Variants in ALLC observed in about 807,000 individuals in gnomAD.
ALLC encodes probable inactive allantoicase.
A neutral mutation model predicts 45.0 loss-of-function variants in ALLC; 40 were observed. The ratio of observed to expected loss-of-function variants is 0.89; its 90% CI spans 0.69 to 1.16. The LOEUF is 1.16. ALLC is among the 50% of genes most tolerant of loss of function. ALLC has a pLI of 0.00. For synonymous variants in ALLC, 176 were observed against 178.1 expected (o/e 0.99, Z 0.09); for missense variants, 488 against 493.1 (o/e 0.99, Z 0.10).
At chr2:3,699,598 A>C (rs1294857168) in intron 10 of ALLC, among the ~76,000 whole-genome samples, 1 of 152,222 alleles carries the variant, frequency 6.6e-6, no homozygotes, top group African/African-American at 2.4e-5. Context: ...ACAATGGCTG[A>C]ACTAATTTAC....
chr2:3,649,507 C>T, the ALLC span, among the ~76,000 whole-genome samples: 5,040 of 152,334 alleles, frequency 0.033, 289 homozygotes, highest in African/African-American at 0.12. Flanking sequence ...TCCCAAAGTG[C>T]TGGGATTACA....
At chr2:3,661,299 T>G (rs1666570969) in intron 1 of ALLC, among the ~76,000 whole-genome samples, 1 of 152,156 alleles carries the variant, frequency 6.6e-6, no homozygotes, top group Non-Finnish European at 1.5e-5. Context: ...ACACATGTTT[T>G]GAAAACCATG....
At chr2:3,661,271 G>A (rs1666570116) in intron 1 of ALLC, among the ~76,000 whole-genome samples, 1 of 149,790 alleles carries the variant, frequency 6.7e-6, no homozygotes, top group Admixed American at 6.6e-5. Flanking sequence ...CCTTCCTTCT[G>A]CTCCTGGCTC....
At chr2:3,700,665 C>A (rs1409814498) in intron 10 of ALLC, among the ~76,000 whole-genome samples, 2 of 152,156 alleles carry the variant, frequency 1.3e-5, no homozygotes, top group Non-Finnish European at 2.9e-5. Flanking sequence ...ATACACAAAG[C>A]TTAATATACA....
rs139496885 is a variant in ALLC at position 3,669,247 on chromosome 2, G to T, written c.-62-1849G>T. Reference sequence around the variant, plus strand: ...CCAGCACTTTGGGAGGCCGAGGTGGGTGGATCACGAAGTCAGGAGATGGAG... The same window carrying T: ...CCAGCACTTTGGGAGGCCGAGGTGGTTGGATCACGAAGTCAGGAGATGGAG... On this transcript the variant is annotated intron_variant, in intron 1 of 11. Transcript: ENST00000252505. Among the ~76,000 whole-genome samples the T allele has an allele frequency of 5.6e-3, 848 of 152,254 alleles. 13 individuals carry two copies. The highest frequency in any genetic ancestry group is 0.019 in the African/African-American group (802 of 41,544).
chr2:3,691,404 C>G (rs1667514209), intron 7 of ALLC, among the ~76,000 whole-genome samples: 2 of 152,056 alleles, frequency 1.3e-5, no homozygotes. Context: ...CTGGTGCACA[C>G]CACCATGCCT....
At chr2:3,647,426 A>G in the ALLC span, among the ~76,000 whole-genome samples, 1 of 152,062 alleles carries the variant, frequency 6.6e-6, no homozygotes, top group East Asian at 1.9e-4. Flanking sequence ...CATGCTGCCC[A>G]TGGGGCCTGC....
In ALLC at chr2:3,675,274, C is replaced by A. The variant is rs191122313; in HGVS notation, c.84+1149C>A. ...GCATGGCTATGTGTACCTGTAGTCC[C>A]CGCTACTCAGAAGGCTGAGCTGGGA... On this transcript the variant is annotated intron_variant, in intron 3 of 11. Coordinates refer to ENST00000252505, the MANE Select transcript of ALLC (RefSeq NM_018436.4). Among the ~76,000 whole-genome samples the A allele has an allele frequency of 1.1e-4, 16 of 152,000 alleles. No individual in the cohort carries two copies. In the East Asian group the frequency reaches 2.3e-3, roughly 22 times the overall value.
intron 5 of ALLC, among the ~76,000 whole-genome samples, chr2:3,681,075 A>G (rs1185140011): frequency 2.0e-5 from 3 of 152,228 alleles, no homozygotes; most frequent in African/African-American, 4.8e-5. Context: ...TGAACATGCT[A>G]TGTGCACAGC....
At chr2:3,651,179 C>T in the ALLC span, among the ~76,000 whole-genome samples, 3 of 151,914 alleles carry the variant, frequency 2.0e-5, no homozygotes, top group Non-Finnish European at 4.4e-5. Flanking sequence ...GGATCCGTGG[C>T]TCCATACTGC....
At chr2:3,651,280 CTTGCGGGAATTCT>C in the ALLC span, among the ~76,000 whole-genome samples, 1,719 of 95,828 alleles carry the variant, frequency 0.018, 465 homozygotes, top group African/African-American at 0.064. Flanking sequence ...GCCGCCGATG[CTTGCGGGAATTCT>C]TTTTGGGTGG....
At chr2:3,654,266 AT>A (rs1348765705), upstream of ALLC, among the ~76,000 whole-genome samples, 3 of 152,218 alleles carry the variant, frequency 2.0e-5, no homozygotes, top group Admixed American at 2.0e-4. Context: ...GCAAAGTCAC[AT>A]TGTAAAGAGG....
the ALLC span, among the ~76,000 whole-genome samples, chr2:3,651,424 TGTGTGTGTGTGTGTGTGTTAGG>T: frequency 7.9e-3 from 454 of 57,322 alleles, 7 homozygotes; most frequent in Middle Eastern, 0.016. Context: ...TGTGTGTGTG[TGTGTGTGTGTGTGTGTGTTAGG>T]AAGGGAGACG....
chr2:3,693,091 C>T (rs1182205975), intron 7 of ALLC, among the ~76,000 whole-genome samples: 5 of 152,148 alleles, frequency 3.3e-5, no homozygotes, highest in African/African-American at 7.2e-5. Flanking sequence ...GTTCAAATAC[C>T]GCAGACTCTC....
rs946345614 is a variant in ALLC, at chr2:3,682,986, T to C, written c.423T>C (p.Leu141=). Residue 141 remains leucine (L), a synonymous_variant, in exon 7 of 12, where the codon CTT becomes CTC. Transcript: ENST00000252505. ...GTTACTTGGTTCCCATGACTGAGCTTAAGCCAGGAAACCCTGCTTCCGGCC... is the reference window on the plus strand; with the variant it reads ...GTTACTTGGTTCCCATGACTGAGCTCAAGCCAGGAAACCCTGCTTCCGGCC... ...DWSYLVPMTE[L]KPGNPASGHN... The C allele has an allele frequency of 1.9e-6, 3 of 1,613,884 alleles. No individual in the cohort carries two copies. Among genetic ancestry groups the C allele is most frequent in the African/African-American group, 2.7e-5 (2 of 74,946 alleles).
chr2:3,697,550 C>T lies in ALLC; in HGVS notation c.850+94C>T, dbSNP rs559862612. ...AGTGGGACTGAGGACACTGGACTTT[C>T]GGTGTGGATTCCCCGTTTAAGCTGT... On this transcript the variant is annotated intron_variant, in intron 10 of 11. Coordinates refer to ENST00000252505, the MANE Select transcript of ALLC (RefSeq NM_018436.4). 110 of 958,104 alleles carry T rather than the reference C, an allele frequency of 1.1e-4. No homozygotes were observed. The African/African-American group carries it at 1.3e-3, about 12-fold the overall frequency. The allele number at this position is 958,104 out of a possible 1,614,324, so 59.4% of individuals were successfully genotyped here. A position where few individuals can be genotyped will look rare whatever the true frequency, so the allele number is the denominator to read the frequency against.
In ALLC at chr2:3,680,121, C is replaced by T. The variant is rs578162628; in HGVS notation, c.298+127C>T. On this transcript the variant is annotated intron_variant, in intron 5 of 11. Coordinates refer to ENST00000252505, the MANE Select transcript of ALLC (RefSeq NM_018436.4). This position sits in a 1 kb window ranked among gnomAD's most constrained non-coding sequence, Gnocchi z 4.0. ...AGCTTCAGGCGCTTGACTAAGGCTA[C>T]TTTACTGTAACGGGGCTGTAGGACC... 1 of 1,330,098 alleles carries T rather than the reference C, an allele frequency of 7.5e-7. No homozygotes were observed. The highest frequency in any genetic ancestry group is 2.4e-5 in the East Asian group (1 of 41,964). The allele number at this position is 1,330,098 out of a possible 1,614,324, so 82.4% of individuals were successfully genotyped here. A position where few individuals can be genotyped will look rare whatever the true frequency, so the allele number is the denominator to read the frequency against.
intron 3 of ALLC, among the ~76,000 whole-genome samples, chr2:3,677,924 G>A (rs1446251892): frequency 7.2e-5 from 11 of 152,228 alleles, no homozygotes; most frequent in Non-Finnish European, 1.3e-4. Flanking sequence ...GCGAGGATGC[G>A]TGTATCCTCC....
chr2:3,695,821 GTC>G lies in ALLC; in HGVS notation c.618_619del (p.Val208ArgfsTer3). 1 of 1,613,922 alleles carries G rather than the reference GTC, an allele frequency of 6.2e-7. No homozygotes were observed. The highest frequency in any genetic ancestry group is 2.2e-5 in the East Asian group (1 of 44,890). On this transcript the variant is annotated frameshift_variant, in exon 8 of 12. Transcript: ENST00000252505. LOFTEE classifies it high-confidence loss of function. ...CCTAGTGGCCATCGCTTTTGGGGGT[GTC>G]TGTGTAGGATTTAGTAATGCTAAGT... ...ADLVAIAFGG[V>X]CVGFSNAKFG...
Sources: allele counts gnomAD v4.1 joint callset (sites outside exome capture counted in the v4.1 genomes callset), GRCh38; gene constraint gnomAD v4.1.1; non-coding constraint Gnocchi (gnomAD v3.1); transcripts MANE v1.5; gene names NCBI Gene and HGNC (gene_info 2026-07-23, HGNC 2026-07-21).